The following COA1 variants were observed in gnomAD, a reference collection of about 807,000 sequenced individuals.
The protein encoded by COA1 is cytochrome c oxidase assembly factor 1.
Under a neutral mutation model 16.0 loss-of-function variants are expected in COA1, and 13 were observed. The ratio of observed to expected loss-of-function variants is 0.81; its 90% CI spans 0.53 to 1.29. The LOEUF is 1.29. Ranked by LOEUF, COA1 falls within the 50% of genes most tolerant of loss-of-function variation. COA1 has a pLI of 0.00. For synonymous variants in COA1, 65 were observed against 65.7 expected (o/e 0.99, Z 0.05); for missense variants, 179 against 177.0 (o/e 1.01, Z -0.06).
intron 1 of COA1, among the ~76,000 whole-genome samples, chr7:43,672,259 G>C (rs2093307424): frequency 6.6e-6 from 1 of 152,164 alleles, no homozygotes; most frequent in Non-Finnish European, 1.5e-5. Flanking sequence ...GAACACAGAT[G>C]CAAAAATCCT....
At chr7:43,710,686 G>A (rs1711613983) in intron 1 of COA1, among the ~76,000 whole-genome samples, 1 of 152,060 alleles carries the variant, frequency 6.6e-6, no homozygotes, top group Non-Finnish European at 1.5e-5. Flanking sequence ...GGTATTACTG[G>A]TGAACCAAAT....
chr7:43,627,569 A>G (rs1482490100), intron 6 of COA1, among the ~76,000 whole-genome samples: 1 of 152,184 alleles, frequency 6.6e-6, no homozygotes, highest in Non-Finnish European at 1.5e-5. Context: ...TACATTTTAA[A>G]CTCACACCTC....
At chr7:43,722,919 C>A (rs2095540207) in intron 1 of COA1, among the ~76,000 whole-genome samples, 1 of 152,106 alleles carries the variant, frequency 6.6e-6, no homozygotes, top group African/African-American at 2.4e-5. Flanking sequence ...CACCAAGAGC[C>A]CACAAGATAA....
At chr7:43,644,799 CAGAGAGAG>C (rs10627279) in intron 4 of COA1, among the ~76,000 whole-genome samples, 2,080 of 75,420 alleles carry the variant, frequency 0.028, 91 homozygotes, top group African/African-American at 0.084. Flanking sequence ...GGCAGAGAGA[CAGAGAGAG>C]AGAGAGAGAG....
At chr7:43,673,641 G>A (rs1159935820) in intron 1 of COA1, among the ~76,000 whole-genome samples, 3 of 152,172 alleles carry the variant, frequency 2.0e-5, no homozygotes, top group Non-Finnish European at 2.9e-5. Context: ...TCTCATTATT[G>A]CGTATATACC....
intron 1 of COA1, among the ~76,000 whole-genome samples, chr7:43,728,325 TTTTTA>T (rs1304614977): frequency 1.3e-5 from 2 of 148,454 alleles, no homozygotes; most frequent in Non-Finnish European, 3.0e-5. Flanking sequence ...CTGTTTTATT[TTTTTA>T]AAGGACTGAA....
chr7:43,662,529 C>T (rs1467439793), intron 1 of COA1, among the ~76,000 whole-genome samples: 1 of 152,208 alleles, frequency 6.6e-6, no homozygotes, highest in Non-Finnish European at 1.5e-5. Flanking sequence ...TGCATCTGGC[C>T]TATTTTCATA....
At chr7:43,611,358 A>G (rs564624033) in intron 6 of COA1, among the ~76,000 whole-genome samples, 1 of 152,334 alleles carries the variant, frequency 6.6e-6, no homozygotes, top group African/African-American at 2.4e-5. Flanking sequence ...ATCTTTTCTC[A>G]AAGATATTAA....
intron 6 of COA1, chr7:43,623,171 G>A (rs1246111543): frequency 6.2e-6 from 1 of 160,950 alleles, no homozygotes; most frequent in Non-Finnish European, 1.3e-5. Context: ...TAGTTGAAAA[G>A]GCCCAGGTGA....
intron 4 of COA1, among the ~76,000 whole-genome samples, chr7:43,644,751 TAGATAGATAGGCAGGCAGGCAGGC>T (rs1224217919): frequency 1.7e-5 from 2 of 117,458 alleles, no homozygotes; most frequent in African/African-American, 3.6e-5. Flanking sequence ...GATAGATAGA[TAGATAGATAGGCAGGCAGGCAGGC>T]AGGCAGGCAG....
intron 1 of COA1, among the ~76,000 whole-genome samples, chr7:43,677,765 C>T (rs1017285499): frequency 2.8e-5 from 4 of 143,094 alleles, no homozygotes; most frequent in Non-Finnish European, 6.0e-5. Context: ...TATACCACTG[C>T]ACTCTAGCCT....
intron 1 of COA1, among the ~76,000 whole-genome samples, chr7:43,691,484 T>C (rs1363907157): frequency 2.1e-5 from 3 of 143,584 alleles, no homozygotes; most frequent in African/African-American, 7.8e-5. Context: ...AAAGAAATTA[T>C]CATCAATATA....
chr7:43,691,743 T>C (rs2094379328), intron 1 of COA1, among the ~76,000 whole-genome samples: 1 of 152,184 alleles, frequency 6.6e-6, no homozygotes. Context: ...AGGATTCAGG[T>C]AGGCAGTTAT....
At chr7:43,620,179 C>T (rs929197763) in intron 6 of COA1, among the ~76,000 whole-genome samples, 3 of 152,120 alleles carry the variant, frequency 2.0e-5, no homozygotes, top group Non-Finnish European at 4.4e-5. Flanking sequence ...GAAAAAGGAG[C>T]TTAAACATTG....
chr7:43,684,023 C>T (rs2093898284), intron 1 of COA1, among the ~76,000 whole-genome samples: 2 of 152,140 alleles, frequency 1.3e-5, no homozygotes, highest in Non-Finnish European at 2.9e-5. Flanking sequence ...CTTACATGTG[C>T]GATTGTTGAT....
At chr7:43,642,091 G>A (rs2087304979) in intron 4 of COA1, 1 of 152,158 alleles carries the variant, frequency 6.6e-6, no homozygotes, top group Admixed American at 6.5e-5. Context: ...CCTGAAGGAA[G>A]GCACAAGATT....
At chr7:43,699,681 T>C (rs1459757447) in intron 1 of COA1, among the ~76,000 whole-genome samples, 2 of 152,320 alleles carry the variant, frequency 1.3e-5, no homozygotes, top group Non-Finnish European at 1.5e-5. Flanking sequence ...ACACTAAGCA[T>C]ATTTAGAATG....
At chr7:43,616,493 G>C (rs1015025851) in intron 6 of COA1, among the ~76,000 whole-genome samples, 7 of 152,144 alleles carry the variant, frequency 4.6e-5, no homozygotes, top group Non-Finnish European at 1.0e-4. Context: ...TCCTCATGAA[G>C]CTGTAGATTC....
At position 43,667,458 on chromosome 7, in the gene COA1, A is replaced by G. The variant is rs559647754; in HGVS notation, c.-38-18806T>C. Among the ~76,000 whole-genome samples the G allele has an allele frequency of 2.6e-5, 4 of 152,340 alleles. No homozygotes were observed. In the South Asian group the frequency reaches 8.3e-4, roughly 32 times the overall value. ...GGGATTTCTAAAATTCTAACGTCTA[A>G]GTATATGCTATCAATCATAATTAAG... On this transcript the variant is annotated intron_variant, in intron 1 of 5. Transcript: ENST00000223336.
Sources: allele counts gnomAD v4.1 joint callset (sites outside exome capture counted in the v4.1 genomes callset), GRCh38; gene constraint gnomAD v4.1.1; transcripts MANE v1.5; gene names NCBI Gene and HGNC (gene_info 2026-07-23, HGNC 2026-07-21).